The following EHHADH variants were observed in gnomAD, a reference collection of about 807,000 sequenced individuals.
EHHADH encodes the protein peroxisomal bifunctional enzyme.
Under a neutral mutation model 64.4 loss-of-function variants are expected in EHHADH, and 48 were observed. That is an observed-to-expected ratio of 0.75 (90% CI 0.59 to 0.95). The LOEUF is 0.95. Ranked by LOEUF, EHHADH falls within the 40% of genes least tolerant of loss-of-function variation. The probability of loss-of-function intolerance (pLI) is 0.00; values close to 1 mark genes in which losing one functional copy is unlikely to be tolerated. For synonymous variants in EHHADH, 308 were observed against 326.7 expected, an observed-to-expected ratio of 0.94 and a Z score of 0.62; for missense variants, 854 against 876.6, an observed-to-expected ratio of 0.97 and a Z score of 0.33.
At chr3:185,245,457 A>G in intron 2 of EHHADH, 2 of 938,076 alleles carry the variant, frequency 2.1e-6, no homozygotes, top group Non-Finnish European at 3.1e-6. Context: ...AGTGATTAGC[A>G]AATTAGTTAG....
intron 5 of EHHADH, among the ~76,000 whole-genome samples, chr3:185,208,311 C>A (rs2111669): frequency 2.0e-5 from 3 of 152,082 alleles, no homozygotes; most frequent in Non-Finnish European, 1.5e-5. Context: ...GATTCTCCCC[C>A]TGACCCCTAA....
chr3:185,252,325 G>A (rs1310099973), intron 1 of EHHADH, among the ~76,000 whole-genome samples: 6 of 151,904 alleles, frequency 3.9e-5, no homozygotes, highest in South Asian at 2.1e-4. Context: ...ACTTGAACCC[G>A]GGAGGCAGAG....
intron 3 of EHHADH, among the ~76,000 whole-genome samples, chr3:185,233,571 TTTAA>T (rs1660630877): frequency 6.6e-6 from 1 of 152,190 alleles, no homozygotes; most frequent in Non-Finnish European, 1.5e-5. Flanking sequence ...ATAAAGAATA[TTTAA>T]TTATGGGTTA....
rs1471816454 is a variant in EHHADH, at chr3:185,204,454, G to A, written c.872C>T (p.Thr291Ile). Reference protein sequence around the residue: ...WSTPSGASWKTASARPVSSVG... With the variant: ...WSTPSGASWKIASARPVSSVG... ...TGAGGAGACAGGCCGCGCTGATGCTGTTTTCCACGATGCTCCGGAGGGAGT... is the reference window on the plus strand; with the variant it reads ...TGAGGAGACAGGCCGCGCTGATGCTATTTTCCACGATGCTCCGGAGGGAGT... The change falls in exon 6 of 7, where the codon ACA (threonine) becomes ATA (isoleucine). Residue 291 changes from threonine to isoleucine, a missense_variant. Physicochemically the swap from Thr to Ile is moderately conservative, Grantham distance 89. Transcript: ENST00000231887. The A allele has an allele frequency of 1.9e-6, 3 of 1,613,030 alleles. No homozygotes were observed. The highest frequency in any genetic ancestry group is 2.7e-5 in the African/African-American group (2 of 74,912).
intron 6 of EHHADH, among the ~76,000 whole-genome samples, chr3:185,202,575 C>G (rs1335899349): frequency 6.6e-6 from 1 of 152,152 alleles, no homozygotes; most frequent in African/African-American, 2.4e-5. Context: ...GACCTGTTAG[C>G]ACAGCAGGAG....
intron 2 of EHHADH, among the ~76,000 whole-genome samples, chr3:185,246,673 T>C (rs962315476): frequency 6.6e-6 from 1 of 152,226 alleles, no homozygotes; most frequent in Non-Finnish European, 1.5e-5. Context: ...TCTCCAGAGT[T>C]TGTCAATTGT....
At chr3:185,228,259 T>TAA (rs1719050666) in intron 4 of EHHADH, among the ~76,000 whole-genome samples, 2 of 21,734 alleles carry the variant, frequency 9.2e-5, no homozygotes, top group Non-Finnish European at 1.1e-4. Flanking sequence ...AAAAAAAAAA[T>TAA]ATATATATAT....
At chr3:185,198,994 G>A (rs1718153178) in intron 6 of EHHADH, among the ~76,000 whole-genome samples, 1 of 152,048 alleles carries the variant, frequency 6.6e-6, no homozygotes, top group Non-Finnish European at 1.5e-5. Context: ...GGTGGAAAGA[G>A]GAATTCACAA....
chr3:185,193,997 T>C (rs1012355823), intron 6 of EHHADH, among the ~76,000 whole-genome samples: 3 of 152,248 alleles, frequency 2.0e-5, no homozygotes, highest in African/African-American at 7.2e-5. Context: ...GTGGTAATAC[T>C]ACCCAAATTG....
intron 2 of EHHADH, among the ~76,000 whole-genome samples, chr3:185,238,219 T>C (rs1719350791): frequency 6.6e-6 from 1 of 152,268 alleles, no homozygotes; most frequent in African/African-American, 2.4e-5. Flanking sequence ...GTGATAAACA[T>C]ATGAGTACAG....
intron 1 of EHHADH, among the ~76,000 whole-genome samples, chr3:185,249,412 G>A (rs1224311959): frequency 6.6e-6 from 1 of 152,176 alleles, no homozygotes; most frequent in Non-Finnish European, 1.5e-5. Context: ...ACAGGTGTGA[G>A]CCACCGCGCC....
chr3:185,223,471 G>T (rs1718889987), intron 4 of EHHADH, among the ~76,000 whole-genome samples: 1 of 151,818 alleles, frequency 6.6e-6, no homozygotes, highest in Non-Finnish European at 1.5e-5. Context: ...TATTTTCATA[G>T]GTTTTAGAGT....
chr3:185,207,733 C>A (rs1386715111), intron 5 of EHHADH, among the ~76,000 whole-genome samples: 1 of 152,198 alleles, frequency 6.6e-6, no homozygotes, highest in Non-Finnish European at 1.5e-5. Flanking sequence ...TTCTAGTCTA[C>A]ACAACTGTAA....
chr3:185,221,860 C>T (rs1718843729), intron 4 of EHHADH, among the ~76,000 whole-genome samples: 1 of 151,880 alleles, frequency 6.6e-6, no homozygotes, highest in African/African-American at 2.4e-5. Flanking sequence ...AGGCATGAGC[C>T]ACCGTGCCCG....
intron 4 of EHHADH, among the ~76,000 whole-genome samples, chr3:185,218,739 A>AT (rs776793108): frequency 8.4e-4 from 128 of 151,564 alleles, no homozygotes; most frequent in Non-Finnish European, 1.6e-3. Context: ...AAAAAAAAAA[A>AT]GGACCGGGCA....
chr3:185,226,366 A>G (rs1440062189), intron 4 of EHHADH, among the ~76,000 whole-genome samples: 7 of 152,190 alleles, frequency 4.6e-5, no homozygotes, highest in Non-Finnish European at 7.3e-5. Flanking sequence ...TAGATCCTCC[A>G]GGCCGGGCAC....
chr3:185,203,434 C>A (rs1334235501), intron 6 of EHHADH, among the ~76,000 whole-genome samples: 2 of 152,106 alleles, frequency 1.3e-5, no homozygotes, highest in Non-Finnish European at 2.9e-5. Context: ...TATGGACCCT[C>A]TCCCCAGAAG....
intron 2 of EHHADH, among the ~76,000 whole-genome samples, chr3:185,239,832 G>T (rs1432957498): frequency 6.6e-6 from 1 of 152,148 alleles, no homozygotes; most frequent in Admixed American, 6.5e-5. Context: ...TAGGAGTGGT[G>T]AGAGTGGGCA....
intron 2 of EHHADH, among the ~76,000 whole-genome samples, chr3:185,247,288 C>T (rs1288940736): frequency 6.6e-6 from 1 of 152,062 alleles, no homozygotes; most frequent in Non-Finnish European, 1.5e-5. Flanking sequence ...ACTCTAATTA[C>T]ATTCTCTCAT....
Sources: allele counts gnomAD v4.1 joint callset (sites outside exome capture counted in the v4.1 genomes callset), GRCh38; gene constraint gnomAD v4.1.1; transcripts MANE v1.5; gene names NCBI Gene and HGNC (gene_info 2026-07-23, HGNC 2026-07-21).